ZSCAN5A: variants seen among roughly 807,000 people sequenced by gnomAD.
ZSCAN5A encodes the protein zinc finger and SCAN domain-containing protein 5A.
A neutral mutation model predicts 23.7 loss-of-function variants in ZSCAN5A; 12 were observed. The observed-to-expected ratio is 0.51, with a 90% CI of 0.32 to 0.82. The LOEUF (loss-of-function observed/expected upper bound fraction) is 0.82. Among genes scored for constraint, ZSCAN5A ranks in the 40% least tolerant of loss-of-function variants. ZSCAN5A has a pLI of 0.03. For missense variants in ZSCAN5A, 597 were observed against 617.9 expected, an observed-to-expected ratio of 0.97 and a Z score of 0.36; for synonymous variants, 257 against 239.9, an observed-to-expected ratio of 1.07 and a Z score of -0.66.
chr19:56,328,723 C>T (rs2147433785), intron 2 of ZSCAN5A, among the ~76,000 whole-genome samples: 1 of 151,128 alleles, frequency 6.6e-6, no homozygotes, highest in East Asian at 2.0e-4. Context: ...GAAATATGGC[C>T]AGGCGCGGTG....
intron 2 of ZSCAN5A, among the ~76,000 whole-genome samples, chr19:56,346,187 G>C (rs2041631228): frequency 6.6e-6 from 1 of 150,952 alleles, no homozygotes; most frequent in Admixed American, 6.6e-5. Context: ...AACCCAATGG[G>C]GAAAAAAAGC....
At chr19:56,356,767 T>C (rs1015235093) in intron 2 of ZSCAN5A, among the ~76,000 whole-genome samples, 1 of 148,696 alleles carries the variant, frequency 6.7e-6, no homozygotes, top group Admixed American at 6.6e-5. Context: ...TGTGGGGTTA[T>C]TGTTCTTTAA....
chr19:56,240,337 A>G (rs10411330), intron 2 of ZSCAN5A, among the ~76,000 whole-genome samples: 26,738 of 152,132 alleles, frequency 0.18, 4,132 homozygotes, highest in African/African-American at 0.42. Context: ...TCCTGTGGGC[A>G]GGGTTTCATT....
chr19:56,288,816 T>C (rs1265883706), intron 2 of ZSCAN5A, among the ~76,000 whole-genome samples: 1 of 152,188 alleles, frequency 6.6e-6, no homozygotes, highest in Non-Finnish European at 1.5e-5. Context: ...TAATGTTGAT[T>C]TCTCTCTCTA....
chr19:56,276,637 A>C (rs1422150475), intron 2 of ZSCAN5A, among the ~76,000 whole-genome samples: 1 of 151,788 alleles, frequency 6.6e-6, no homozygotes, highest in African/African-American at 2.4e-5. Flanking sequence ...CCTGGGTTCA[A>C]GCGATTCTCC....
chr19:56,319,753 C>T (rs1287037782), upstream of ZSCAN5A: 17 of 735,950 alleles, frequency 2.3e-5, no homozygotes, highest in Non-Finnish European at 2.8e-5. Context: ...CAGATCTGCT[C>T]GGGCCAGTCG....
At chr19:56,256,026 T>C (rs2036668054) in intron 2 of ZSCAN5A, among the ~76,000 whole-genome samples, 1 of 152,148 alleles carries the variant, frequency 6.6e-6, no homozygotes, top group African/African-American at 2.4e-5. Context: ...ACTTGTTAAG[T>C]AGCTGGTAAA....
intron 2 of ZSCAN5A, among the ~76,000 whole-genome samples, chr19:56,228,831 A>T (rs981788379): frequency 3.3e-5 from 5 of 151,812 alleles, no homozygotes; most frequent in African/African-American, 1.2e-4. Flanking sequence ...TAAAAAGAAT[A>T]TTGGAGTTGA....
At chr19:56,253,422 G>A (rs116842867) in intron 2 of ZSCAN5A, among the ~76,000 whole-genome samples, 1,741 of 152,238 alleles carry the variant, frequency 0.011, 20 homozygotes, top group East Asian at 0.03. Flanking sequence ...CACCTGAAAT[G>A]GAAGTAGTGG....
chr19:56,280,948 C>T (rs2038649493), intron 2 of ZSCAN5A, among the ~76,000 whole-genome samples: 3 of 152,138 alleles, frequency 2.0e-5, no homozygotes, highest in African/African-American at 7.2e-5. Flanking sequence ...GTTAGGGGCA[C>T]CAACCTCCAG....
At chr19:56,367,977 T>C in intron 1 of ZSCAN5A, 1 of 152,236 alleles carries the variant, frequency 6.6e-6, no homozygotes, top group Non-Finnish European at 1.5e-5. Context: ...CATAGGCCCT[T>C]CCCCCCCTCT....
intron 2 of ZSCAN5A, among the ~76,000 whole-genome samples, chr19:56,246,117 G>A (rs2035873214): frequency 6.6e-6 from 1 of 152,176 alleles, no homozygotes; most frequent in South Asian, 2.1e-4. Flanking sequence ...AGAATATGGA[G>A]GGTGCAGATT....
At chr19:56,329,786 A>C (rs995882875) in intron 2 of ZSCAN5A, among the ~76,000 whole-genome samples, 5 of 152,176 alleles carry the variant, frequency 3.3e-5, no homozygotes, top group African/African-American at 1.2e-4. Flanking sequence ...TAATCTGGGT[A>C]GTTTATTTAT....
At chr19:56,325,655 T>TA (rs547988923) in intron 2 of ZSCAN5A, among the ~76,000 whole-genome samples, 299 of 147,342 alleles carry the variant, frequency 2.0e-3, no homozygotes, top group Admixed American at 7.2e-3. Flanking sequence ...AGTAGACACT[T>TA]AAAAAAAAAA....
intron 2 of ZSCAN5A, chr19:56,301,981 A>G (rs545987612): frequency 2.7e-5 from 33 of 1,231,994 alleles, no homozygotes; most frequent in Non-Finnish European, 3.3e-5. Context: ...AACCCTTCTC[A>G]GGCACCACCC....
chr19:56,224,344 G>A (rs939932002), intron 3 of ZSCAN5A: 15 of 399,370 alleles, frequency 3.8e-5, no homozygotes, highest in Admixed American at 1.7e-4. Flanking sequence ...CACACAGTGT[G>A]TGGGTCCCTG....
chr19:56,245,699 G>A (rs369987351), intron 2 of ZSCAN5A, among the ~76,000 whole-genome samples: 8 of 152,356 alleles, frequency 5.3e-5, no homozygotes, highest in African/African-American at 1.9e-4. Flanking sequence ...TGAATGAACT[G>A]AAGGTCCCTT....
chr19:56,330,645 G>C (rs570843104), intron 2 of ZSCAN5A, among the ~76,000 whole-genome samples: 1 of 152,182 alleles, frequency 6.6e-6, no homozygotes, highest in East Asian at 1.9e-4. Flanking sequence ...ACAAGTGTCT[G>C]TTTACATCTT....
intron 4 of ZSCAN5A, among the ~76,000 whole-genome samples, chr19:56,223,361 T>C (rs1486522970): frequency 6.6e-6 from 1 of 151,664 alleles, no homozygotes; most frequent in African/African-American, 2.4e-5. Flanking sequence ...GGAATCTTCA[T>C]TCATCTGTGC....
Sources: allele counts gnomAD v4.1 joint callset (sites outside exome capture counted in the v4.1 genomes callset), GRCh38; gene constraint gnomAD v4.1.1; transcripts MANE v1.5; gene names NCBI Gene and HGNC (gene_info 2026-07-23, HGNC 2026-07-21).